The following PDZRN4 variants were observed in gnomAD, a reference collection of about 807,000 sequenced individuals.
PDZRN4 encodes PDZ domain-containing RING finger protein 4.
In PDZRN4, 70 loss-of-function variants were observed where a neutral mutation model predicts 99.0. That is an observed-to-expected ratio of 0.71 (90% CI 0.58 to 0.86). The LOEUF is 0.86. Ranked by LOEUF, PDZRN4 falls within the 40% of genes least tolerant of loss-of-function variation. PDZRN4 has a pLI of 0.00. For synonymous variants in PDZRN4, 551 were observed against 501.6 expected (o/e 1.10, Z -1.32); for missense variants, 1,474 against 1,331.2 (o/e 1.11, Z -1.67).
chr12:41,486,426 C>T (rs1390318325), intron 3 of PDZRN4, among the ~76,000 whole-genome samples: 3 of 151,898 alleles, frequency 2.0e-5, no homozygotes, highest in Non-Finnish European at 2.9e-5. Flanking sequence ...AAAAAATAGG[C>T]GAAGTAATAA....
chr12:41,281,806 C>T (rs867831761), intron 3 of PDZRN4, among the ~76,000 whole-genome samples: 41 of 151,944 alleles, frequency 2.7e-4, no homozygotes, highest in Non-Finnish European at 3.8e-4. Context: ...AGGATGCTTT[C>T]CTTGCCTGAT....
chr12:41,291,946 G>C (rs7971896), intron 3 of PDZRN4, among the ~76,000 whole-genome samples: 112,177 of 151,936 alleles, frequency 0.74, 41,700 homozygotes, highest in East Asian at 0.86. Context: ...TGGGAGGAAG[G>C]CAGGACCAGG....
At chr12:41,571,376 T>TCTCTCACA (rs1303597271) in intron 9 of PDZRN4, among the ~76,000 whole-genome samples, 300 of 65,554 alleles carry the variant, frequency 4.6e-3, no homozygotes, top group Non-Finnish European at 7.9e-3. Context: ...TCTCTCTCTC[T>TCTCTCACA]CACACACACA....
At chr12:41,563,133 A>G (rs1939300646) in intron 7 of PDZRN4, among the ~76,000 whole-genome samples, 1 of 152,180 alleles carries the variant, frequency 6.6e-6, no homozygotes, top group Non-Finnish European at 1.5e-5. Flanking sequence ...CAGCTCTCTA[A>G]TTGGCTCGCG....
At chr12:41,369,411 GTTCAT>G (rs1227916077) in intron 3 of PDZRN4, among the ~76,000 whole-genome samples, 10 of 152,066 alleles carry the variant, frequency 6.6e-5, no homozygotes, top group South Asian at 4.2e-4. Flanking sequence ...CTCTTGTACT[GTTCAT>G]TTCATTTATA....
intron 3 of PDZRN4, among the ~76,000 whole-genome samples, chr12:41,332,032 G>A (rs1315999117): frequency 1.3e-5 from 2 of 152,146 alleles, no homozygotes; most frequent in Non-Finnish European, 2.9e-5. Flanking sequence ...AATACTTGAA[G>A]TAGTCATCTC....
intron 3 of PDZRN4, among the ~76,000 whole-genome samples, chr12:41,338,520 T>G (rs565137102): frequency 6.6e-6 from 1 of 151,712 alleles, no homozygotes; most frequent in Non-Finnish European, 1.5e-5. Flanking sequence ...CCAACCAAAC[T>G]ATTGGTTTTT....
intron 3 of PDZRN4, among the ~76,000 whole-genome samples, chr12:41,382,605 A>C (rs997709920): frequency 2.0e-5 from 3 of 152,204 alleles, no homozygotes; most frequent in African/African-American, 7.2e-5. Flanking sequence ...TTACTTGGCA[A>C]AGTTTACATA....
At chr12:41,508,316 G>T (rs1336418950) in intron 4 of PDZRN4, among the ~76,000 whole-genome samples, 2 of 152,094 alleles carry the variant, frequency 1.3e-5, no homozygotes, top group Admixed American at 6.5e-5. Context: ...ACCTCCTCTA[G>T]AAAACTTCCT....
intron 3 of PDZRN4, among the ~76,000 whole-genome samples, chr12:41,253,988 A>T (rs1405884290): frequency 6.6e-6 from 1 of 151,158 alleles, no homozygotes; most frequent in Non-Finnish European, 1.5e-5. Flanking sequence ...CAGGAAGGGA[A>T]GAGGGAGAGG....
At chr12:41,503,867 G>A (rs574709319) in intron 3 of PDZRN4, among the ~76,000 whole-genome samples, 2 of 152,252 alleles carry the variant, frequency 1.3e-5, no homozygotes, top group Non-Finnish European at 2.9e-5. Context: ...ATTGGATAAA[G>A]TTGCCTCAAA....
intron 3 of PDZRN4, among the ~76,000 whole-genome samples, chr12:41,435,231 A>C (rs1291204465): frequency 6.6e-6 from 1 of 152,212 alleles, no homozygotes; most frequent in Non-Finnish European, 1.5e-5. Flanking sequence ...TTACTTCCCT[A>C]GAATGTTCAT....
intron 3 of PDZRN4, among the ~76,000 whole-genome samples, chr12:41,354,323 T>G (rs984372686): frequency 6.6e-6 from 1 of 152,072 alleles, no homozygotes; most frequent in African/African-American, 2.4e-5. Flanking sequence ...AGACCACACA[T>G]GGATTCTCCG....
chr12:41,192,320 C>T (rs964122799), intron 2 of PDZRN4, among the ~76,000 whole-genome samples: 1 of 151,782 alleles, frequency 6.6e-6, no homozygotes, highest in African/African-American at 2.4e-5. Flanking sequence ...AAGCTGGTCT[C>T]GAACTCCTAA....
chr12:41,437,163 C>T (rs1279052300), intron 3 of PDZRN4, among the ~76,000 whole-genome samples: 2 of 152,104 alleles, frequency 1.3e-5, no homozygotes, highest in African/African-American at 2.4e-5. Context: ...ATGGTCTTTA[C>T]ATATGAACTA....
In PDZRN4 at chr12:41,290,498, G is replaced by GA. The variant is rs567273431; in HGVS notation, c.843+96318dup. 7.3e-5 allele frequency among the ~76,000 whole-genome samples: 11 copies of GA among 151,682 alleles called. No homozygotes were observed. In the South Asian group the frequency reaches 1.0e-3, roughly 14 times the overall value. On this transcript the variant is annotated intron_variant, in intron 3 of 9. Coordinates refer to ENST00000402685, the MANE Select transcript of PDZRN4 (RefSeq NM_001164595.2). Reference sequence around the variant, plus strand: ...AAACAGAAAATTCCTTCACATATGTGAAAAAAAATCACCCTTCAGGAAAAT... The same window carrying GA: ...AAACAGAAAATTCCTTCACATATGTGAAAAAAAAATCACCCTTCAGGAAAAT...
intron 3 of PDZRN4, among the ~76,000 whole-genome samples, chr12:41,262,309 C>A (rs1317732156): frequency 1.3e-5 from 2 of 152,162 alleles, no homozygotes; most frequent in Non-Finnish European, 2.9e-5. Context: ...TATGTGTCCA[C>A]AACGTTCACT....
intron 3 of PDZRN4, among the ~76,000 whole-genome samples, chr12:41,402,024 T>C (rs1952292218): frequency 2.1e-5 from 3 of 144,522 alleles, no homozygotes; most frequent in African/African-American, 5.2e-5. Flanking sequence ...TGGCGCTCCC[T>C]CACCACACTT....
At chr12:41,206,505 AG>A (rs1351203638) in intron 3 of PDZRN4, among the ~76,000 whole-genome samples, 1 of 151,520 alleles carries the variant, frequency 6.6e-6, no homozygotes, top group Admixed American at 6.6e-5. Context: ...TAAATTATTA[AG>A]CTTAATTATT....
Sources: allele counts gnomAD v4.1 joint callset (sites outside exome capture counted in the v4.1 genomes callset), GRCh38; gene constraint gnomAD v4.1.1; transcripts MANE v1.5; gene names NCBI Gene and HGNC (gene_info 2026-07-23, HGNC 2026-07-21).